Variants in AIG1 observed in about 807,000 individuals in gnomAD.
AIG1 encodes the protein androgen induced 1.
Under a neutral mutation model 31.4 loss-of-function variants are expected in AIG1, and 23 were observed. The ratio of observed to expected loss-of-function variants is 0.73; its 90% CI spans 0.53 to 1.04. The LOEUF (loss-of-function observed/expected upper bound fraction) is 1.04. Ranked by LOEUF, AIG1 falls within the 50% of genes least tolerant of loss-of-function variation. AIG1 has a pLI of 0.00. For missense variants in AIG1, 274 were observed against 295.0 expected (o/e 0.93, Z 0.52); for synonymous variants, 100 against 110.5 (o/e 0.90, Z 0.60).
At chr6:143,336,345 G>A (rs1404435093) in intron 5 of AIG1, among the ~76,000 whole-genome samples, 1 of 152,036 alleles carries the variant, frequency 6.6e-6, no homozygotes, top group Non-Finnish European at 1.5e-5. Context: ...GGAAATCATC[G>A]AAACCGACCC....
chr6:143,064,661 T>C (rs1288192798), intron 1 of AIG1, among the ~76,000 whole-genome samples: 2 of 152,240 alleles, frequency 1.3e-5, no homozygotes, highest in East Asian at 3.8e-4. Flanking sequence ...ATGCAGTGAC[T>C]CAGCTAGCCC....
chr6:143,188,668 T>C, intron 3 of AIG1: 1 of 984,372 alleles, frequency 1.0e-6, no homozygotes, highest in South Asian at 4.7e-5. Flanking sequence ...AATAAATAAA[T>C]AAATAGGACC....
intron 3 of AIG1, among the ~76,000 whole-genome samples, chr6:143,206,146 C>A (rs1791091927): frequency 6.6e-6 from 1 of 152,180 alleles, no homozygotes; most frequent in African/African-American, 2.4e-5. Flanking sequence ...CTGACACAAC[C>A]ACATGTGTGA....
chr6:143,161,778 A>G (rs1272629762), intron 2 of AIG1, among the ~76,000 whole-genome samples: 5 of 152,138 alleles, frequency 3.3e-5, no homozygotes, highest in African/African-American at 7.2e-5. Context: ...CAAATAAAGT[A>G]AGAATAGAAG....
chr6:143,242,645 G>A (rs1794322719), intron 3 of AIG1, among the ~76,000 whole-genome samples: 1 of 152,218 alleles, frequency 6.6e-6, no homozygotes, highest in Non-Finnish European at 1.5e-5. Flanking sequence ...TTATAGGGGT[G>A]CTTAGGAGAA....
Position 143,305,294 on chromosome 6 carries a change from C to T in AIG1, c.515+21069C>T, listed in dbSNP as rs558460562. 1.4e-4 allele frequency among the ~76,000 whole-genome samples: 21 copies of T among 152,180 alleles called. No homozygotes were observed. The South Asian group carries it at 4.4e-3, about 32-fold the overall frequency. On this transcript the variant is annotated intron_variant, in intron 4 of 5. Coordinates refer to ENST00000357847, the MANE Select transcript of AIG1 (RefSeq NM_016108.4). ...TTTGAATGTGTTTGCTCTTGCTTTT[C>T]TAGTTCTTTTAATTGTGATGTTAGG...
chr6:143,233,461 G>A (rs1463459347), intron 3 of AIG1, among the ~76,000 whole-genome samples: 4 of 151,464 alleles, frequency 2.6e-5, no homozygotes, highest in Non-Finnish European at 5.9e-5. Flanking sequence ...CCATAGACAA[G>A]TTAAATTTAA....
At position 143,299,604 on chromosome 6, in the gene AIG1, G is replaced by A. The variant is rs951721950; in HGVS notation, c.515+15379G>A. ...CCCATATGCTTAAAGAGAGAAATGA[G>A]TAGCAGAGGGATTTCAAGCCACTGA... On this transcript the variant is annotated intron_variant, in intron 4 of 5. Coordinates refer to ENST00000357847, the MANE Select transcript of AIG1 (RefSeq NM_016108.4). The surrounding 1 kb of genome is among the most constrained non-coding windows in gnomAD (Gnocchi z 4.1). 1 of 152,202 alleles carries A rather than the reference G, an allele frequency of 6.6e-6. No homozygotes were observed. Among genetic ancestry groups the A allele is most frequent in the South Asian group, 2.1e-4 (1 of 4,832 alleles). 9.4% of individuals were successfully genotyped at this position (152,202 alleles called of 1,614,324 possible). A position where few individuals can be genotyped will look rare whatever the true frequency, so the allele number is the denominator to read the frequency against.
At chr6:143,092,353 A>G (rs1287955140) in intron 1 of AIG1, among the ~76,000 whole-genome samples, 1 of 145,374 alleles carries the variant, frequency 6.9e-6, no homozygotes, top group African/African-American at 2.6e-5. Context: ...TCCTGGGCTC[A>G]GGCAGTCCTC....
intron 4 of AIG1, among the ~76,000 whole-genome samples, chr6:143,316,583 C>A (rs1341629493): frequency 6.6e-6 from 1 of 151,942 alleles, no homozygotes; most frequent in Non-Finnish European, 1.5e-5. Flanking sequence ...TAAGACCACA[C>A]CTCAAAGAAC....
At chr6:143,061,149 GA>G in intron 1 of AIG1, 83 bp downstream of exon 1, 1 of 1,337,638 alleles carries the variant, frequency 7.5e-7, no homozygotes. Context: ...TGTGTGTGTG[GA>G]TGCGCGAGCA....
chr6:143,084,384 A>AT (rs1778574868), intron 1 of AIG1, among the ~76,000 whole-genome samples: 2 of 152,268 alleles, frequency 1.3e-5, no homozygotes, highest in East Asian at 3.9e-4. Context: ...ACTGGAAGCA[A>AT]GCCCTATTAG....
At chr6:143,190,558 G>T in intron 3 of AIG1, 1 of 985,218 alleles carries the variant, frequency 1.0e-6, no homozygotes, top group Non-Finnish European at 1.2e-6. Flanking sequence ...GATTATTTTT[G>T]TGTATGTGAA....
At chr6:143,194,474 T>C (rs977414863) in intron 3 of AIG1, among the ~76,000 whole-genome samples, 3 of 152,208 alleles carry the variant, frequency 2.0e-5, no homozygotes, top group Admixed American at 6.5e-5. Flanking sequence ...CCCTATTATG[T>C]TGATGAGCAC....
In AIG1 at chr6:143,292,127, G is replaced by A. The variant is rs1798100892; in HGVS notation, c.515+7902G>A. Among the ~76,000 whole-genome samples the A allele has an allele frequency of 6.6e-6, 1 of 152,266 alleles. No individual in the cohort carries two copies. The highest frequency in any genetic ancestry group is 2.4e-5 in the African/African-American group (1 of 41,550). On this transcript the variant is annotated intron_variant, in intron 4 of 5. Transcript: ENST00000357847. This position sits in a 1 kb window ranked among gnomAD's most constrained non-coding sequence, Gnocchi z 4.9. The stretch of plus-strand genomic sequence containing the variant: ...AAATTTAAATTAAACCCTGGACTCA[G>A]CCCCTTTAATAATGTTTAACCTTGG...
rs57179580 is a variant in AIG1 at position 143,279,889 on chromosome 6, G to T, written c.400-4221G>T. On this transcript the variant is annotated intron_variant, in intron 3 of 5. Coordinates refer to ENST00000357847, the MANE Select transcript of AIG1 (RefSeq NM_016108.4). This position sits in a 1 kb window ranked among gnomAD's most constrained non-coding sequence, Gnocchi z 5.4. The stretch of plus-strand genomic sequence containing the variant: ...TTTCTAGGATGGACTTTATATGGAA[G>T]ACCAAAGGTTTACTCCTTGGGCTGT... Among the ~76,000 whole-genome samples, 2,118 of 152,290 alleles carry T rather than the reference G, an allele frequency of 0.014. 33 individuals are homozygous for T. The highest frequency in any genetic ancestry group is 0.048 in the African/African-American group (2,001 of 41,572).
rs548093508 is a variant in AIG1, at chr6:143,096,242, T to C, written c.141+35176T>C. 5.9e-5 allele frequency among the ~76,000 whole-genome samples: 9 copies of C among 152,290 alleles called. No individual in the cohort carries two copies. The South Asian group carries it at 1.4e-3, about 25-fold the overall frequency. On this transcript the variant is annotated intron_variant, in intron 1 of 5. Transcript: ENST00000357847. ...TTAATGCTGTTTTCCTGGTTAAAGTTACAGAGAAATAATCTGGCCAGATAT... is the reference window on the plus strand; with the variant it reads ...TTAATGCTGTTTTCCTGGTTAAAGTCACAGAGAAATAATCTGGCCAGATAT...
At position 143,128,669 on chromosome 6, in the gene AIG1, CAGTT is replaced by C. The variant is rs548625010; in HGVS notation, c.142-8164_142-8161del. ...CTCCATATAACTTTTACATTTTTAA[CAGTT>C]AAGTTAATGAATTTTAAGTTGCAGT... On this transcript the variant is annotated intron_variant, in intron 1 of 5. Coordinates refer to ENST00000357847, the MANE Select transcript of AIG1 (RefSeq NM_016108.4). 3.2e-3 allele frequency among the ~76,000 whole-genome samples: 491 copies of C among 152,254 alleles called. 1 individual carries two copies. Among genetic ancestry groups the C allele is most frequent in the African/African-American group, 0.011 (477 of 41,538 alleles).
chr6:143,214,125 T>C (rs1791821151), intron 3 of AIG1, among the ~76,000 whole-genome samples: 2 of 152,204 alleles, frequency 1.3e-5, no homozygotes, highest in African/African-American at 4.8e-5. Context: ...CCTCATAAAG[T>C]AACAGAAGGG....
Sources: gnomAD v4.1 joint callset for allele counts (sites outside exome capture counted in the v4.1 genomes callset) on GRCh38, gnomAD v4.1.1 for gene constraint, Gnocchi (gnomAD v3.1) non-coding constraint, MANE v1.5 for transcripts, NCBI Gene and HGNC (gene_info 2026-07-23, HGNC 2026-07-21) for gene names.